Variants in PDE1C observed in about 807,000 individuals in gnomAD.
The protein encoded by PDE1C is dual specificity calcium/calmodulin-dependent 3',5'-cyclic nucleotide phosphodiesterase 1C.
A neutral mutation model predicts 93.1 loss-of-function variants in PDE1C; 62 were observed. The ratio of observed to expected loss-of-function variants is 0.67; its 90% confidence interval spans 0.54 to 0.82. The LOEUF is 0.82. PDE1C is among the 40% of genes least tolerant of loss of function. The probability of loss-of-function intolerance (pLI) is 0.00; values close to 1 mark genes in which losing one functional copy is unlikely to be tolerated. For missense variants in PDE1C, 742 were observed against 884.6 expected (o/e 0.84, Z 2.04); for synonymous variants, 325 against 310.1 (o/e 1.05, Z -0.50).
Position 31,798,030 on chromosome 7 carries a change from C to T in PDE1C, c.1891+11001G>A, listed in dbSNP as rs1301167664. ...TAGAAACAGATTTCAAGATATTCTA[C>T]CTTAAGATCACAATTCATCAACTAA... On this transcript the variant is annotated intron_variant, in intron 16 of 17. Coordinates refer to ENST00000396191, the MANE Select transcript of PDE1C (RefSeq NM_001191057.4). Among the ~76,000 whole-genome samples the T allele has an allele frequency of 1.9e-4, 29 of 149,012 alleles. No homozygotes were observed. In the East Asian group the frequency reaches 2.7e-3, roughly 14 times the overall value.
At chr7:32,239,478 A>T (rs1808385441) in intron 1 of PDE1C, among the ~76,000 whole-genome samples, 1 of 152,234 alleles carries the variant, frequency 6.6e-6, no homozygotes, top group African/African-American at 2.4e-5. Flanking sequence ...ACTAGTATAC[A>T]AAATACAAAA....
the PDE1C span, chr7:31,686,631 T>C: frequency 6.6e-6 from 1 of 152,258 alleles, no homozygotes; most frequent in Admixed American, 6.5e-5. Context: ...TCAGATGATT[T>C]GGTAACTCTT....
chr7:31,737,888 A>G, the PDE1C span, among the ~76,000 whole-genome samples: 1 of 152,110 alleles, frequency 6.6e-6, no homozygotes, highest in African/African-American at 2.4e-5. Flanking sequence ...GAGAGGTAAG[A>G]ACCAGAGATT....
intron 1 of PDE1C, among the ~76,000 whole-genome samples, chr7:32,237,156 G>A (rs143280377): frequency 6.7e-5 from 10 of 149,008 alleles, no homozygotes; most frequent in East Asian, 2.0e-4. Context: ...GCGCGATCTC[G>A]GCTCACTGCA....
At chr7:31,951,911 T>C (rs974108313) in intron 2 of PDE1C, among the ~76,000 whole-genome samples, 4 of 152,168 alleles carry the variant, frequency 2.6e-5, no homozygotes, top group Non-Finnish European at 4.4e-5. Context: ...CAGCTTACAG[T>C]TCCACTTGCC....
At chr7:32,269,277 T>C (rs1464554418) in intron 1 of PDE1C, among the ~76,000 whole-genome samples, 1 of 152,164 alleles carries the variant, frequency 6.6e-6, no homozygotes, top group East Asian at 1.9e-4. Flanking sequence ...GCTGCATTTC[T>C]AACAAGCTTC....
In PDE1C at chr7:31,779,677, CTG is replaced by C. The variant is rs566324616; in HGVS notation, c.1892-3947_1892-3946del. 2.6e-5 allele frequency among the ~76,000 whole-genome samples: 4 copies of C among 152,190 alleles called. No individual in the cohort carries two copies. The South Asian group carries it at 8.3e-4, about 32-fold the overall frequency. On this transcript the variant is annotated intron_variant, in intron 16 of 17. Transcript: ENST00000396191. ...GCAGGCGGGGATACATAAAATAAAA[CTG>C]GTTTTGATTTTGCCACGGGCCATTG...
the PDE1C span, among the ~76,000 whole-genome samples, chr7:31,743,974 T>C: frequency 2.0e-5 from 3 of 152,154 alleles, no homozygotes; most frequent in Admixed American, 6.5e-5. Flanking sequence ...CCCCCAGATG[T>C]AGGACAACTG....
intron 3 of PDE1C, among the ~76,000 whole-genome samples, chr7:32,095,101 G>A (rs1367063422): frequency 1.3e-5 from 2 of 152,180 alleles, no homozygotes; most frequent in Non-Finnish European, 2.9e-5. Flanking sequence ...GAAGGCCAAG[G>A]TCAGACTCAA....
At chr7:32,395,901 C>T (rs1784832433) in intron 1 of PDE1C, among the ~76,000 whole-genome samples, 1 of 152,096 alleles carries the variant, frequency 6.6e-6, no homozygotes, top group Non-Finnish European at 1.5e-5. Flanking sequence ...ACTTTTTCTT[C>T]TTGCCTTCAA....
the PDE1C span, chr7:31,692,588 G>A: frequency 6.8e-7 from 1 of 1,480,482 alleles, no homozygotes; most frequent in Non-Finnish European, 9.4e-7. Flanking sequence ...TCAGCCATTT[G>A]GTTTGCAGGC....
intron 17 of PDE1C, among the ~76,000 whole-genome samples, chr7:31,754,815 G>A (rs1218804234): frequency 1.3e-5 from 2 of 152,200 alleles, no homozygotes; most frequent in African/African-American, 4.8e-5. Flanking sequence ...CTGTAGTGGT[G>A]TATATATGAC....
intron 16 of PDE1C, among the ~76,000 whole-genome samples, chr7:31,777,106 C>T (rs1783040380): frequency 1.3e-5 from 2 of 150,962 alleles, no homozygotes; most frequent in Admixed American, 6.6e-5. Context: ...CAAACCTGCA[C>T]GTTCTGCACA....
chr7:31,706,737 C>T, the PDE1C span, among the ~76,000 whole-genome samples: 15 of 152,312 alleles, frequency 9.8e-5, no homozygotes, highest in East Asian at 1.9e-4. Context: ...CATTTACTTG[C>T]TCTGGGTTAA....
chr7:31,754,425 A>G (rs1345872249), intron 17 of PDE1C, among the ~76,000 whole-genome samples: 1 of 152,232 alleles, frequency 6.6e-6, no homozygotes, highest in Non-Finnish European at 1.5e-5. Context: ...CCACATAAAA[A>G]CCCACACATG....
At chr7:32,052,671 T>C (rs1343145566) in intron 1 of PDE1C, among the ~76,000 whole-genome samples, 2 of 152,184 alleles carry the variant, frequency 1.3e-5, no homozygotes, top group African/African-American at 4.8e-5. Context: ...ACCATATTTC[T>C]TTGTAAACTA....
intron 1 of PDE1C, among the ~76,000 whole-genome samples, chr7:32,065,055 G>A (rs1269961164): frequency 6.0e-5 from 2 of 33,524 alleles, no homozygotes; most frequent in East Asian, 9.2e-4. Context: ...CGGCGGTGGG[G>A]GGGGGGGGGA....
chr7:32,166,869 G>A (rs974364909), intron 3 of PDE1C, among the ~76,000 whole-genome samples: 1 of 152,132 alleles, frequency 6.6e-6, no homozygotes, highest in African/African-American at 2.4e-5. Context: ...CTTATTTGGG[G>A]TGGGGTGATA....
chr7:31,722,049 G>A, the PDE1C span, among the ~76,000 whole-genome samples: 2 of 152,136 alleles, frequency 1.3e-5, no homozygotes, highest in African/African-American at 4.8e-5. Context: ...AGAAGGCATC[G>A]TGTCTCTCTT....
Sources: allele counts gnomAD v4.1 joint callset (sites outside exome capture counted in the v4.1 genomes callset), GRCh38; gene constraint gnomAD v4.1.1; transcripts MANE v1.5; gene names NCBI Gene and HGNC (gene_info 2026-07-23, HGNC 2026-07-21).